The following SLC4A4 variants were observed in gnomAD, a reference collection of about 807,000 sequenced individuals.
SLC4A4 encodes solute carrier family 4 member 4, also known as electrogenic sodium bicarbonate cotransporter 1.
SLC4A4 carries 27 observed loss-of-function variants against 111.5 expected under a neutral mutation model. The observed-to-expected ratio is 0.24, with a 90% CI of 0.18 to 0.33. The LOEUF is 0.33. Ranked by LOEUF, SLC4A4 falls within the 10% of genes least tolerant of loss-of-function variation. The probability of loss-of-function intolerance (pLI) is 1.00; values close to 1 mark genes in which losing one functional copy is unlikely to be tolerated. For synonymous variants in SLC4A4, 443 were observed against 463.4 expected, an observed-to-expected ratio of 0.96 and a Z score of 0.57; for missense variants, 909 against 1,315.5, an observed-to-expected ratio of 0.69 and a Z score of 4.78.
chr4:71,318,816 T>C, intron 3 of SLC4A4, among the ~76,000 whole-genome samples: 1 of 151,260 alleles, frequency 6.6e-6, no homozygotes, highest in East Asian at 1.9e-4. Context: ...TTCTGAAAAA[T>C]TAAGTTTTTT....
chr4:71,352,356 C>T (rs1410003557), intron 5 of SLC4A4, among the ~76,000 whole-genome samples: 1 of 151,898 alleles, frequency 6.6e-6, no homozygotes, highest in South Asian at 2.1e-4. Flanking sequence ...CAGGAAGAGT[C>T]CCTTATTAAA....
At position 71,496,801 on chromosome 4, in the gene SLC4A4, A is replaced by G. The variant is rs574287876; in HGVS notation, c.1975-700A>G. 9.9e-5 allele frequency among the ~76,000 whole-genome samples: 15 copies of G among 152,254 alleles called. No individual in the cohort carries two copies. The South Asian group carries it at 2.3e-3, about 23-fold the overall frequency. ...ACTGACCATATGTTTGAGGCCATGTAACATGGAGATGGATATTCCATACAC... is the reference window on the plus strand; with the variant it reads ...ACTGACCATATGTTTGAGGCCATGTGACATGGAGATGGATATTCCATACAC... On this transcript the variant is annotated intron_variant, in intron 15 of 25. Coordinates refer to ENST00000264485, the MANE Select transcript of SLC4A4 (RefSeq NM_001098484.3).
At chr4:71,158,128 TGTG>T (rs1744525983) in intron 2 of SLC4A4, among the ~76,000 whole-genome samples, 2 of 151,596 alleles carry the variant, frequency 1.3e-5, no homozygotes, top group Non-Finnish European at 2.9e-5. Flanking sequence ...TGTGTGTGTG[TGTG>T]TGTGTGTGTG....
chr4:71,298,042 T>C (rs1366853969), intron 3 of SLC4A4, among the ~76,000 whole-genome samples: 1 of 152,252 alleles, frequency 6.6e-6, no homozygotes. Context: ...AGGCTCTGTT[T>C]CCATTTTCAT....
chr4:71,363,416 T>G (rs1004455742), intron 6 of SLC4A4, among the ~76,000 whole-genome samples: 2 of 152,144 alleles, frequency 1.3e-5, no homozygotes, highest in African/African-American at 4.8e-5. Flanking sequence ...CTCGTTCCCT[T>G]TAGAAATTCT....
At chr4:71,359,280 T>C (rs1412803460) in intron 6 of SLC4A4, among the ~76,000 whole-genome samples, 1 of 152,252 alleles carries the variant, frequency 6.6e-6, no homozygotes, top group Non-Finnish European at 1.5e-5. Flanking sequence ...TTATATATGC[T>C]GGGCAGAAAG....
At chr4:71,255,675 T>C (rs1721399803) in intron 3 of SLC4A4, among the ~76,000 whole-genome samples, 1 of 152,190 alleles carries the variant, frequency 6.6e-6, no homozygotes, top group South Asian at 2.1e-4. Context: ...AGGGTAGTAT[T>C]GCAGATGGTA....
At chr4:71,559,906 CT>C (rs1347654512) in intron 22 of SLC4A4, among the ~76,000 whole-genome samples, 186 bp from the exon 23 acceptor site, 3 of 151,808 alleles carry the variant, frequency 2.0e-5, no homozygotes, top group Non-Finnish European at 2.9e-5. Flanking sequence ...TATAAAACAA[CT>C]TTCCCCATGT....
intron 6 of SLC4A4, among the ~76,000 whole-genome samples, chr4:71,383,144 A>G (rs1166060648): frequency 6.6e-6 from 1 of 152,154 alleles, no homozygotes; most frequent in Non-Finnish European, 1.5e-5. Flanking sequence ...TTTAGTAGTA[A>G]ATATAGGAAA....
At chr4:71,379,629 A>G (rs976673031) in intron 6 of SLC4A4, among the ~76,000 whole-genome samples, 2 of 152,096 alleles carry the variant, frequency 1.3e-5, no homozygotes, top group Admixed American at 6.6e-5. Context: ...ATCATTGGCA[A>G]AGTATCTAAA....
In SLC4A4 at chr4:71,431,983, A is replaced by G. The variant is rs562941665; in HGVS notation, c.808-8633A>G. ...GAATGATATGCAAAGCAAATGTTTGATACAGTGGAGAATGAACTGATCTTA... is the reference window on the plus strand; with the variant it reads ...GAATGATATGCAAAGCAAATGTTTGGTACAGTGGAGAATGAACTGATCTTA... On this transcript the variant is annotated intron_variant, in intron 7 of 25. Transcript: ENST00000264485. 4.6e-5 allele frequency among the ~76,000 whole-genome samples: 7 copies of G among 152,226 alleles called. No individual in the cohort carries two copies. In the South Asian group the frequency reaches 1.4e-3, roughly 32 times the overall value.
chr4:71,421,223 T>C lies in SLC4A4; in HGVS notation c.808-19393T>C, dbSNP rs189358800. ...AAAACAGACTTTAAACCAACAAAGA[T>C]CAAAAGAGACAAAGAAGGCCATTAC... On this transcript the variant is annotated intron_variant, in intron 7 of 25. Transcript: ENST00000264485. Among the ~76,000 whole-genome samples the C allele has an allele frequency of 5.5e-3, 838 of 151,880 alleles. 8 individuals are homozygous for C. The highest frequency in any genetic ancestry group is 0.019 in the African/African-American group (785 of 41,396).
intron 13 of SLC4A4, among the ~76,000 whole-genome samples, chr4:71,469,221 G>T (rs1727649638): frequency 6.6e-6 from 1 of 151,842 alleles, no homozygotes; most frequent in South Asian, 2.1e-4. Context: ...TCAGCAATGT[G>T]TTCTAAGGTA....
intron 3 of SLC4A4, among the ~76,000 whole-genome samples, chr4:71,257,390 A>G (rs1299950746): frequency 6.6e-6 from 1 of 152,222 alleles, no homozygotes; most frequent in Non-Finnish European, 1.5e-5. Context: ...TGCCTTTGGC[A>G]TATTTGATAT....
chr4:71,464,119 A>G (rs1475951675), intron 12 of SLC4A4, among the ~76,000 whole-genome samples: 3 of 152,134 alleles, frequency 2.0e-5, no homozygotes, highest in African/African-American at 7.2e-5. Flanking sequence ...AAGTTGTAAA[A>G]AAGAAAGATA....
intron 12 of SLC4A4, among the ~76,000 whole-genome samples, chr4:71,463,378 A>G (rs1031084578): frequency 6.6e-6 from 1 of 152,214 alleles, no homozygotes; most frequent in African/African-American, 2.4e-5. Flanking sequence ...TTTAAACTTT[A>G]CAGTTAAACT....
intron 2 of SLC4A4, among the ~76,000 whole-genome samples, chr4:71,148,787 T>G (rs576747283): frequency 3.9e-5 from 6 of 152,326 alleles, no homozygotes; most frequent in Non-Finnish European, 8.8e-5. Flanking sequence ...TTTCCTTTAT[T>G]CTAAATACCC....
At chr4:71,381,276 C>A (rs548873127) in intron 6 of SLC4A4, among the ~76,000 whole-genome samples, 1 of 152,248 alleles carries the variant, frequency 6.6e-6, no homozygotes, top group Non-Finnish European at 1.5e-5. Flanking sequence ...AAGCTAGGGT[C>A]TTGATTTTGG....
chr4:71,366,319 G>GTGTGTGTT (rs1202008047), intron 6 of SLC4A4, among the ~76,000 whole-genome samples: 1 of 135,066 alleles, frequency 7.4e-6, no homozygotes, highest in African/African-American at 3.0e-5. Flanking sequence ...GAGATATTGT[G>GTGTGTGTT]TGTGTGTGTG....
Sources: allele counts gnomAD v4.1 joint callset (sites outside exome capture counted in the v4.1 genomes callset), GRCh38; gene constraint gnomAD v4.1.1; transcripts MANE v1.5; gene names NCBI Gene and HGNC (gene_info 2026-07-23, HGNC 2026-07-21).